LRRC74A: variants seen among roughly 807,000 people sequenced by gnomAD.
LRRC74A encodes leucine rich repeat containing 74A, also known as leucine-rich repeat-containing protein 74A.
LRRC74A carries 44 observed loss-of-function variants against 57.9 expected under a neutral mutation model. The observed-to-expected ratio is 0.76, with a 90% CI of 0.60 to 0.98. LRRC74A has a LOEUF of 0.98. Ranked by LOEUF, LRRC74A falls within the 50% of genes least tolerant of loss-of-function variation. LRRC74A has a pLI of 0.00. For missense variants in LRRC74A, 572 were observed against 574.0 expected (o/e 1.00, Z 0.04); for synonymous variants, 211 against 219.4 (o/e 0.96, Z 0.34).
intron 7 of LRRC74A, 138 bp from the exon 8 acceptor site, chr14:76,852,226 TA>T (rs1897546421): frequency 6.6e-6 from 4 of 604,108 alleles, no homozygotes; most frequent in South Asian, 2.3e-5. Flanking sequence ...AATGAATAAC[TA>T]AAAAAATTAT....
rs201329545 is a variant in LRRC74A at position 76,866,063 on chromosome 14, A to C, written c.1296A>C (p.Lys432Asn). Reference sequence around the variant, plus strand: ...AGATGTCTGTGGATGAGTTCCAGAAAGTGATGATAGAGGTGTGCTGGGTCC... The same window carrying C: ...AGATGTCTGTGGATGAGTTCCAGAACGTGATGATAGAGGTGTGCTGGGTCC... The part of the protein sequence containing the change: ...TMKMSVDEFQ[K>N]VMIEQNKVPL... The change falls in exon 12 of 14, where the codon AAA becomes AAC. Residue 432 changes from lysine to asparagine, a missense_variant. Transcript: ENST00000689127. The C allele has an allele frequency of 1.9e-5, 29 of 1,565,518 alleles. No homozygotes were observed. In the East Asian group the frequency reaches 6.5e-4, roughly 35 times the overall value.
chr14:76,828,861 C>T (rs1309559401), intron 2 of LRRC74A: 7 of 489,230 alleles, frequency 1.4e-5, no homozygotes, highest in African/African-American at 4.0e-5. Context: ...TGGCTGATCC[C>T]GTGTTTGACT....
chr14:76,866,528 T>TC (rs1387497396), intron 12 of LRRC74A, among the ~76,000 whole-genome samples: 1 of 152,132 alleles, frequency 6.6e-6, no homozygotes. Context: ...AAGGGGTCTA[T>TC]CATCAGAGCG....
intron 5 of LRRC74A, among the ~76,000 whole-genome samples, chr14:76,843,388 T>G (rs1424348666): frequency 6.6e-6 from 1 of 152,192 alleles, no homozygotes; most frequent in African/African-American, 2.4e-5. Flanking sequence ...AGGATATTAT[T>G]CTTCTTGATT....
chr14:76,857,240 A>G, intron 9 of LRRC74A, 140 bp from the exon 10 acceptor site: 1 of 581,096 alleles, frequency 1.7e-6, no homozygotes, highest in East Asian at 3.0e-5. Context: ...ATAAACAAAC[A>G]GAAGGACAAG....
At chr14:76,858,817 G>A (rs1044062522) in intron 10 of LRRC74A, among the ~76,000 whole-genome samples, 5 of 152,062 alleles carry the variant, frequency 3.3e-5, no homozygotes, top group Non-Finnish European at 7.4e-5. Flanking sequence ...TCGAACTCCC[G>A]ACCTCAAGTG....
intron 3 of LRRC74A, among the ~76,000 whole-genome samples, chr14:76,832,709 C>T (rs995490449): frequency 2.6e-5 from 4 of 152,220 alleles, no homozygotes; most frequent in African/African-American, 7.2e-5. Flanking sequence ...GAGGTAGCAG[C>T]TGCATGCTTT....
intron 10 of LRRC74A, among the ~76,000 whole-genome samples, chr14:76,859,534 C>CAAAAAAA (rs562270049): frequency 1.1e-5 from 1 of 91,534 alleles, no homozygotes; most frequent in African/African-American, 4.1e-5. Context: ...AACTCCATCT[C>CAAAAAAA]AAAAAAAAAA....
chr14:76,835,489 A>G (rs1477677723), intron 3 of LRRC74A, among the ~76,000 whole-genome samples: 4 of 144,014 alleles, frequency 2.8e-5, no homozygotes, highest in Non-Finnish European at 6.0e-5. Flanking sequence ...TCCATCTCAA[A>G]AAAAAAAAAA....
intron 11 of LRRC74A, among the ~76,000 whole-genome samples, chr14:76,864,810 A>C (rs574300300): frequency 2.0e-5 from 3 of 152,326 alleles, no homozygotes; most frequent in East Asian, 3.9e-4. Flanking sequence ...GCCGAGATCG[A>C]GCCACTGAAC....
intron 5 of LRRC74A, among the ~76,000 whole-genome samples, chr14:76,841,770 T>A (rs1379870425): frequency 6.6e-6 from 1 of 150,772 alleles, no homozygotes; most frequent in African/African-American, 2.4e-5. Flanking sequence ...TGGAGTGCAA[T>A]GGCATGATCT....
At position 76,869,362 on chromosome 14, in the gene LRRC74A, G is replaced by A. The variant is rs1024936932; in HGVS notation, c.1392-763G>A. On this transcript the variant is annotated intron_variant, in intron 13 of 13. Coordinates refer to ENST00000689127, the MANE Select transcript of LRRC74A (RefSeq NM_001385106.1). ...ATTGCCCTTCAGATCACACACTGCCGCTTTATCAGCTGTGATTGAAGAGCA... is the reference window on the plus strand; with the variant it reads ...ATTGCCCTTCAGATCACACACTGCCACTTTATCAGCTGTGATTGAAGAGCA... 1.3e-4 allele frequency among the ~76,000 whole-genome samples: 20 copies of A among 152,306 alleles called. 1 individual carries two copies. The highest frequency in any genetic ancestry group is 6.8e-3 in the Middle Eastern group (2 of 294).
At chr14:76,853,962 T>TC (rs1438945688) in intron 9 of LRRC74A, among the ~76,000 whole-genome samples, 3 of 152,022 alleles carry the variant, frequency 2.0e-5, no homozygotes, top group South Asian at 2.1e-4. Context: ...CCATTCCCCT[T>TC]CCCCCAGCCC....
At chr14:76,848,259 A>C (rs6420911) in intron 7 of LRRC74A, among the ~76,000 whole-genome samples, 134,533 of 151,768 alleles carry the variant, frequency 0.89, 59,981 homozygotes, top group Non-Finnish European at 0.94. Flanking sequence ...TGCACATGTA[A>C]CCTAAAACTT....
intron 12 of LRRC74A, among the ~76,000 whole-genome samples, chr14:76,866,346 G>A (rs953801247): frequency 6.6e-6 from 1 of 152,174 alleles, no homozygotes; most frequent in Non-Finnish European, 1.5e-5. Context: ...CTATCTTGAG[G>A]TTTTTCTCCC....
At chr14:76,852,304 A>T (rs1897551108) in intron 7 of LRRC74A, 61 bp from the exon 8 acceptor site, 2 of 1,334,462 alleles carry the variant, frequency 1.5e-6, no homozygotes, top group Admixed American at 3.9e-5. Flanking sequence ...ACATCTGTTA[A>T]CTCTGAGAAT....
At position 76,836,242 on chromosome 14, in the gene LRRC74A, C is replaced by T. The variant is rs1269169053; in HGVS notation, c.375C>T (p.Asp125=). 1.2e-6 allele frequency: 2 copies of T among 1,613,732 alleles called. No homozygotes were observed. Among genetic ancestry groups the T allele is most frequent in the African/African-American group, 2.7e-5 (2 of 74,914 alleles). The stretch of plus-strand genomic sequence containing the variant: ...CTGTTACCAAACTGGAGCTGGAAGA[C>T]AATTGCATCATGGAGGAGGGCGTCT... ...NMAVTKLELE[D]NCIMEEGVLS... The change falls in exon 4 of 14, where the codon GAC becomes GAT. Residue 125 remains aspartate, a synonymous_variant. Coordinates refer to ENST00000689127, the MANE Select transcript of LRRC74A (RefSeq NM_001385106.1).
rs1381339309 is a variant in LRRC74A, at chr14:76,852,451, G to C, written c.762+1G>C. ...TGTGGCCTTGTGCAATGGTCTCCGG[G>C]TAAGGCACTCTCCAGGAGTGATGTG... On this transcript the variant is annotated splice_donor_variant, in intron 8 of 13. Coordinates refer to ENST00000689127, the MANE Select transcript of LRRC74A (RefSeq NM_001385106.1). LOFTEE classifies it high-confidence loss of function. 1 of 1,597,012 alleles carries C rather than the reference G, an allele frequency of 6.3e-7. No homozygotes were observed. The highest frequency in any genetic ancestry group is 2.2e-5 in the East Asian group (1 of 44,664).
intron 13 of LRRC74A, among the ~76,000 whole-genome samples, chr14:76,868,308 C>CA (rs1259958217): frequency 2.6e-5 from 4 of 151,850 alleles, no homozygotes; most frequent in Non-Finnish European, 5.9e-5. Context: ...TACTAAAAAC[C>CA]AAAAAAACAC....
Sources: allele counts gnomAD v4.1 joint callset (sites outside exome capture counted in the v4.1 genomes callset), GRCh38; gene constraint gnomAD v4.1.1; transcripts MANE v1.5; gene names NCBI Gene and HGNC (gene_info 2026-07-23, HGNC 2026-07-21).